The following LRRC39 variants were observed in gnomAD, a reference collection of about 807,000 sequenced individuals.
The protein encoded by LRRC39 is leucine rich repeat containing 39, also known as leucine-rich repeat-containing protein 39.
In LRRC39, 35 loss-of-function variants were observed where a neutral mutation model predicts 39.7. The ratio of observed to expected loss-of-function variants is 0.88; its 90% CI spans 0.67 to 1.17. LRRC39 has a LOEUF of 1.17. LRRC39 is among the 50% of genes most tolerant of loss of function. The pLI is 0.00. For missense variants in LRRC39, 357 were observed against 385.8 expected, an observed-to-expected ratio of 0.93 and a Z score of 0.62; for synonymous variants, 113 against 134.1, an observed-to-expected ratio of 0.84 and a Z score of 1.09.
chr1:100,167,778 AAAT>A (rs5776500), intron 3 of LRRC39, among the ~76,000 whole-genome samples: 60,351 of 137,046 alleles, frequency 0.44, 13,805 homozygotes, highest in Middle Eastern at 0.53. Context: ...TCCATTTCAA[AAAT>A]AATAATAATA....
At chr1:100,175,399 G>A (rs890718669) in intron 1 of LRRC39, among the ~76,000 whole-genome samples, 2 of 150,652 alleles carry the variant, frequency 1.3e-5, no homozygotes, top group African/African-American at 2.4e-5. Context: ...CATTCTCCAG[G>A]CTGGTCTTGA....
intron 1 of LRRC39, 62 bp from the exon 2 acceptor site, chr1:100,173,432 C>T (rs1303831085): frequency 6.6e-6 from 1 of 151,980 alleles, no homozygotes; most frequent in East Asian, 1.9e-4. Flanking sequence ...AATTTAATAT[C>T]GTGATTAAAA....
At chr1:100,167,827 G>A (rs938412853) in intron 3 of LRRC39, among the ~76,000 whole-genome samples, 4 of 142,280 alleles carry the variant, frequency 2.8e-5, no homozygotes, top group Non-Finnish European at 1.5e-5. Context: ...TAATAATAAT[G>A]ATAGAAAGAG....
At chr1:100,171,944 C>G (rs926536878) in intron 2 of LRRC39, among the ~76,000 whole-genome samples, 1 of 151,984 alleles carries the variant, frequency 6.6e-6, no homozygotes, top group Non-Finnish European at 1.5e-5. Context: ...AATTTCTAGT[C>G]TTAAGTATAC....
At chr1:100,177,634 G>A (rs1051176363) in intron 1 of LRRC39, among the ~76,000 whole-genome samples, 3 of 152,048 alleles carry the variant, frequency 2.0e-5, no homozygotes, top group African/African-American at 4.8e-5. Flanking sequence ...CTAAATACTC[G>A]AATAAAAATA....
upstream of LRRC39, among the ~76,000 whole-genome samples, chr1:100,179,039 T>A (rs1281587270): frequency 6.6e-6 from 1 of 152,234 alleles, no homozygotes; most frequent in Non-Finnish European, 1.5e-5. Context: ...TGTTCTATAC[T>A]GTCTTTTCTT....
intron 3 of LRRC39, among the ~76,000 whole-genome samples, chr1:100,162,687 C>T (rs1455640215): frequency 6.6e-6 from 1 of 151,640 alleles, no homozygotes; most frequent in Non-Finnish European, 1.5e-5. Context: ...TTGCAAAAAG[C>T]TATTTCTATC....
chr1:100,153,849 G>A (rs1446955095), intron 8 of LRRC39, among the ~76,000 whole-genome samples: 3 of 152,112 alleles, frequency 2.0e-5, no homozygotes, highest in Non-Finnish European at 1.5e-5. Context: ...TCGAACTCCT[G>A]GGCTCAAGCG....
At chr1:100,173,837 A>G (rs1372139102) in intron 1 of LRRC39, among the ~76,000 whole-genome samples, 1 of 152,250 alleles carries the variant, frequency 6.6e-6, no homozygotes, top group Non-Finnish European at 1.5e-5. Flanking sequence ...TCTGAAAAAT[A>G]TACTATTTTC....
intron 8 of LRRC39, among the ~76,000 whole-genome samples, chr1:100,154,037 A>G (rs776004921): frequency 1.3e-5 from 2 of 152,064 alleles, no homozygotes; most frequent in Non-Finnish European, 2.9e-5. Context: ...AATTTTCATG[A>G]AAATGTCATC....
intron 1 of LRRC39, among the ~76,000 whole-genome samples, chr1:100,177,296 T>C (rs1039507268): frequency 2.6e-5 from 4 of 152,220 alleles, no homozygotes; most frequent in African/African-American, 9.6e-5. Flanking sequence ...ATAGATAATA[T>C]TGCTTTTCAT....
At chr1:100,159,458 T>C (rs375113770) in intron 4 of LRRC39, 43 bp from the exon 5 acceptor site, 262 of 1,433,862 alleles carry the variant, frequency 1.8e-4, no homozygotes, top group Non-Finnish European at 2.3e-4. Context: ...TACTTAAATT[T>C]TTTTAGTATC....
chr1:100,173,282 A>T (rs1018600070), intron 2 of LRRC39, 49 bp downstream of exon 2: 5 of 151,796 alleles, frequency 3.3e-5, no homozygotes, highest in African/African-American at 1.2e-4. Context: ...AAGAAAATAC[A>T]TTACAGCCAT....
chr1:100,171,848 T>C (rs182982983), intron 2 of LRRC39, among the ~76,000 whole-genome samples: 5 of 152,122 alleles, frequency 3.3e-5, no homozygotes, highest in African/African-American at 1.2e-4. Flanking sequence ...GAAGCTATCA[T>C]CATGAAATTA....
intron 8 of LRRC39, among the ~76,000 whole-genome samples, chr1:100,153,329 AC>A (rs1267253351): frequency 6.6e-6 from 1 of 152,236 alleles, no homozygotes; most frequent in Non-Finnish European, 1.5e-5. Context: ...CTTAAATGTC[AC>A]ATCTGAAACA....
intron 3 of LRRC39, 95 bp from the exon 4 acceptor site, chr1:100,160,666 C>T: frequency 9.7e-7 from 1 of 1,033,778 alleles, no homozygotes; most frequent in Non-Finnish European, 1.4e-6. Context: ...ACTCTTTTGC[C>T]CAGGCTGGAG....
chr1:100,165,605 C>A (rs1188061611), intron 3 of LRRC39, among the ~76,000 whole-genome samples: 1 of 152,160 alleles, frequency 6.6e-6, no homozygotes, highest in African/African-American at 2.4e-5. Flanking sequence ...CAACACAAAT[C>A]ATTGCTTATC....
intron 1 of LRRC39, among the ~76,000 whole-genome samples, chr1:100,177,009 C>G (rs1481183401): frequency 6.6e-6 from 1 of 152,010 alleles, no homozygotes; most frequent in African/African-American, 2.4e-5. Context: ...CCTTATGGAA[C>G]AAGAAATAAA....
intron 9 of LRRC39, among the ~76,000 whole-genome samples, chr1:100,151,856 CTT>C (rs1166037411): frequency 3.3e-5 from 5 of 152,154 alleles, no homozygotes; most frequent in Non-Finnish European, 7.4e-5. Flanking sequence ...CGGATGATCT[CTT>C]GAGCCCAGGA....
Sources: gnomAD v4.1 joint callset for allele counts (sites outside exome capture counted in the v4.1 genomes callset) on GRCh38, gnomAD v4.1.1 for gene constraint, MANE v1.5 for transcripts, NCBI Gene and HGNC (gene_info 2026-07-23, HGNC 2026-07-21) for gene names.